Variants in TNNT1 observed in about 807,000 individuals in gnomAD.
TNNT1 encodes the protein troponin T, slow skeletal muscle.
Under a neutral mutation model 50.6 loss-of-function variants are expected in TNNT1, and 53 were observed. The observed-to-expected ratio is 1.05, with a 90% CI of 0.84 to 1.32. The LOEUF (loss-of-function observed/expected upper bound fraction) is 1.32. Among genes scored for constraint, TNNT1 ranks in the 40% most tolerant of loss-of-function variants. The probability of loss-of-function intolerance (pLI) is 0.00; values close to 1 mark genes in which losing one functional copy is unlikely to be tolerated. For synonymous variants in TNNT1, 142 were observed against 138.0 expected, an observed-to-expected ratio of 1.03 and a Z score of -0.20; for missense variants, 348 against 381.7, an observed-to-expected ratio of 0.91 and a Z score of 0.74.
At chr19:55,135,920 T>A (rs1235071923) in intron 11 of TNNT1, among the ~76,000 whole-genome samples, 2 of 152,152 alleles carry the variant, frequency 1.3e-5, no homozygotes, top group African/African-American at 4.8e-5. Flanking sequence ...CTTTCCCGTC[T>A]CCACACTCAG....
In TNNT1 at chr19:55,146,482, A is replaced by T. The variant is rs1199816922; in HGVS notation, c.74-16T>A. On this transcript the variant is annotated splice_polypyrimidine_tract_variant and intron_variant, in intron 4 of 13. Transcript: ENST00000588981. ...TCTTCGGGGGCTGGGGAGGGGAGGG[A>T]GGAGCAGCGAGGGTTTGGGGAGCGA... 1 of 1,038,264 alleles carries T rather than the reference A, an allele frequency of 9.6e-7. No individual in the cohort carries two copies. Among genetic ancestry groups the T allele is most frequent in the Non-Finnish European group, 1.2e-6 (1 of 840,426 alleles). 64.3% of individuals were successfully genotyped at this position (1,038,264 alleles called of 1,614,324 possible). A position where few individuals can be genotyped will look rare whatever the true frequency, so the allele number is the denominator to read the frequency against.
rs191386020 is a variant in TNNT1 at position 55,134,069 on chromosome 19, A to G, written c.747T>C (p.Tyr249=). 19 of 1,612,966 alleles carry G rather than the reference A, an allele frequency of 1.2e-5. No individual in the cohort carries two copies. In the Admixed American group the frequency reaches 2.7e-4, roughly 23 times the overall value. ...TCCCTGCGGAGCTGGGTCTCACCTC[A>G]TATTTCTGCTGTTTCAGCTTCGCCA... is the stretch of plus-strand genomic sequence containing the variant. ...DLMAKLKQQK[Y]EINVLYNRIS... is the part of the protein sequence containing the mutation. Residue 249 remains tyrosine (Y), a synonymous_variant, in exon 12 of 14, where the codon TAT becomes TAC. Coordinates refer to ENST00000588981, the MANE Select transcript of TNNT1 (RefSeq NM_003283.6).
intron 11 of TNNT1, among the ~76,000 whole-genome samples, chr19:55,135,764 G>T (rs1171193308): frequency 6.6e-6 from 1 of 151,938 alleles, no homozygotes; most frequent in Non-Finnish European, 1.5e-5. Context: ...CAGGTGATCT[G>T]CCCGCCTCAG....
intron 6 of TNNT1, among the ~76,000 whole-genome samples, chr19:55,145,114 C>G (rs563937960): frequency 7.1e-6 from 1 of 141,046 alleles, no homozygotes; most frequent in Admixed American, 7.5e-5. Context: ...AGCAACATAG[C>G]AAGACCTCAT....
chr19:55,148,924 A>G lies in TNNT1; in HGVS notation c.-12+237T>C, dbSNP rs147003876. The stretch of plus-strand genomic sequence containing the variant: ...AGATCCTAGGAGGTTTTATTCTGGG[A>G]CATCCAAGTCCTGGCAGCCCCGGGT... On this transcript the variant is annotated intron_variant, in intron 1 of 13. Coordinates refer to ENST00000588981, the MANE Select transcript of TNNT1 (RefSeq NM_003283.6). Among the ~76,000 whole-genome samples, 427 of 152,104 alleles carry G rather than the reference A, an allele frequency of 2.8e-3. 3 individuals are homozygous for G. The highest frequency in any genetic ancestry group is 1.0e-2 in the African/African-American group (413 of 41,492).
chr19:55,145,432 G>T, intron 6 of TNNT1, 112 bp downstream of exon 6: 2 of 965,272 alleles, frequency 2.1e-6, no homozygotes, highest in Non-Finnish European at 3.2e-6. Flanking sequence ...AATGTCGACT[G>T]CTGTTTCAAT....
chr19:55,146,438 C>T lies in TNNT1; in HGVS notation c.102G>A (p.Glu34=), dbSNP rs766589504. Residue 34 remains glutamate (E), a synonymous_variant, in exon 5 of 14, where the codon GAG becomes GAA. Coordinates refer to ENST00000588981, the MANE Select transcript of TNNT1 (RefSeq NM_003283.6). ...EAPEEPEPVA[E]PEEERPKPSR... ...AAGCGAAGCAGCCGCGGTTACCTGG[C>T]TCTGCCACCGGCTCCGGCTCTTCGG... The T allele has an allele frequency of 1.9e-5, 26 of 1,363,662 alleles. No individual in the cohort carries two copies. The highest frequency in any genetic ancestry group is 4.6e-5 in the African/African-American group (3 of 65,704). 84.5% of individuals were successfully genotyped at this position (1,363,662 alleles called of 1,614,324 possible).
At chr19:55,138,636 T>C (rs1479043805) in intron 9 of TNNT1, among the ~76,000 whole-genome samples, 1 of 152,026 alleles carries the variant, frequency 6.6e-6, no homozygotes, top group African/African-American at 2.4e-5. Flanking sequence ...GAAGAAGAAA[T>C]GCCTGCTTTT....
chr19:55,132,993 G>T (rs779921061), intron 13 of TNNT1, 33 bp from the exon 14 acceptor site: 1 of 1,578,816 alleles, frequency 6.3e-7, no homozygotes, highest in African/African-American at 1.3e-5. Flanking sequence ...CAGGAAAAAG[G>T]GGCCCCTCCA....
chr19:55,146,907 G>A lies in TNNT1; in HGVS notation c.46+101C>T, dbSNP rs911109864. On this transcript the variant is annotated intron_variant, in intron 3 of 13. Transcript: ENST00000588981. ...GAGGGCGGGCGAGGGCCCGAGGGCT[G>A]AGCCGCCCCTTCCCCGCCAAAGTGC... 4.2e-6 allele frequency: 6 copies of A among 1,439,976 alleles called. No individual in the cohort carries two copies. The Admixed American group carries it at 1.2e-4, about 28-fold the overall frequency. The allele number at this position is 1,439,976 out of a possible 1,614,324, so 89.2% of individuals were successfully genotyped here.
chr19:55,137,028 G>T, intron 11 of TNNT1, 75 bp downstream of exon 11: 1 of 959,440 alleles, frequency 1.0e-6, no homozygotes, highest in Non-Finnish European at 1.6e-6. Context: ...TGCCCACCCA[G>T]ATCTGGGTGT....
intron 9 of TNNT1, among the ~76,000 whole-genome samples, chr19:55,140,501 G>A (rs950893627): frequency 4.6e-5 from 7 of 151,302 alleles, no homozygotes; most frequent in African/African-American, 1.5e-4. Context: ...ATAATAGGCC[G>A]GATGCGGTGG....
chr19:55,148,811 G>A (rs1347014004), intron 1 of TNNT1, among the ~76,000 whole-genome samples: 1 of 151,628 alleles, frequency 6.6e-6, no homozygotes, highest in Non-Finnish European at 1.5e-5. Context: ...CAGAGTCTGA[G>A]GCCCCAAATC....
chr19:55,143,009 A>T (rs186932509), intron 6 of TNNT1, among the ~76,000 whole-genome samples: 4,129 of 135,912 alleles, frequency 0.03, 119 homozygotes, highest in African/African-American at 0.092. Flanking sequence ...ACTAGAAATT[A>T]AAAAAAAAAA....
chr19:55,136,090 C>T (rs1419800050), intron 11 of TNNT1, among the ~76,000 whole-genome samples: 1 of 152,224 alleles, frequency 6.6e-6, no homozygotes, highest in East Asian at 1.9e-4. Context: ...CGGACTATTG[C>T]ACCAGACTGC....
At chr19:55,143,815 A>G (rs1369796740) in intron 6 of TNNT1, among the ~76,000 whole-genome samples, 2 of 152,102 alleles carry the variant, frequency 1.3e-5, no homozygotes, top group African/African-American at 4.8e-5. Flanking sequence ...TCTCTGGTCC[A>G]GACTCTCTCC....
intron 1 of TNNT1, 134 bp downstream of exon 1, chr19:55,149,027 C>G: frequency 2.5e-6 from 1 of 399,840 alleles, no homozygotes; most frequent in Non-Finnish European, 5.1e-6. Context: ...CTCTCAAGTT[C>G]CCAGACCTCC....
chr19:55,138,130 G>C, intron 9 of TNNT1, 56 bp from the exon 10 acceptor site: 4 of 1,613,156 alleles, frequency 2.5e-6, no homozygotes, highest in Non-Finnish European at 1.7e-6. Flanking sequence ...GAGGGAGGAG[G>C]GCCCTGGGAT....
chr19:55,133,969 C>A (rs74898598), intron 12 of TNNT1, 42 bp from the exon 13 acceptor site: 1 of 1,492,404 alleles, frequency 6.7e-7, no homozygotes, highest in Non-Finnish European at 8.9e-7. Flanking sequence ...CCGGTGGGGA[C>A]GTGGGGACGG....
Sources: gnomAD v4.1 joint callset for allele counts (sites outside exome capture counted in the v4.1 genomes callset) on GRCh38, gnomAD v4.1.1 for gene constraint, MANE v1.5 for transcripts, NCBI Gene and HGNC (gene_info 2026-07-23, HGNC 2026-07-21) for gene names.